Variants in CTNNA2 observed in about 807,000 individuals in gnomAD.
CTNNA2 encodes catenin alpha 2.
In CTNNA2, 42 loss-of-function variants were observed where a neutral mutation model predicts 101.0. The ratio of observed to expected loss-of-function variants is 0.42; its 90% CI spans 0.32 to 0.54. The LOEUF (loss-of-function observed/expected upper bound fraction) is 0.54. CTNNA2 is among the 20% of genes least tolerant of loss of function. CTNNA2 has a pLI of 0.14. For synonymous variants in CTNNA2, 450 were observed against 456.4 expected, an observed-to-expected ratio of 0.99 and a Z score of 0.18; for missense variants, 871 against 1,223.1, an observed-to-expected ratio of 0.71 and a Z score of 4.29.
At position 79,908,377 on chromosome 2, in the gene CTNNA2, G is replaced by A. The variant is rs897854489; in HGVS notation, c.853-1217G>A. Among the ~76,000 whole-genome samples, 4 of 152,168 alleles carry A rather than the reference G, an allele frequency of 2.6e-5. No homozygotes were observed. The East Asian group carries it at 7.7e-4, about 29-fold the overall frequency. ...GTAACAGAGTGGCAATTGCACCATAGTATTCTACAGTTGGAAGACCATTTG... is the reference window on the plus strand; with the variant it reads ...GTAACAGAGTGGCAATTGCACCATAATATTCTACAGTTGGAAGACCATTTG... On this transcript the variant is annotated intron_variant, in intron 6 of 18. Coordinates refer to ENST00000402739, the MANE Select transcript of CTNNA2 (RefSeq NM_001282597.3).
intron 18 of CTNNA2, among the ~76,000 whole-genome samples, chr2:80,625,244 CAG>C (rs1178837365): frequency 6.6e-6 from 1 of 151,992 alleles, no homozygotes; most frequent in Non-Finnish European, 1.5e-5. Flanking sequence ...AATAGCTACT[CAG>C]AGGGATAATT....
intron 2 of CTNNA2, among the ~76,000 whole-genome samples, chr2:79,278,239 G>C (rs960118479): frequency 2.6e-5 from 4 of 151,996 alleles, no homozygotes; most frequent in Non-Finnish European, 1.5e-5. Flanking sequence ...GATCAAAATG[G>C]GTCATAAGTA....
Position 80,422,171 on chromosome 2 carries a change from G to A in CTNNA2, c.1290+2570G>A, listed in dbSNP as rs555091783. Reference sequence around the variant, plus strand: ...TGTGGGGAGGCCTCACAATCGTGGCGGAAGGCAAAGGAAGAGGAAAGACAC... The same window carrying A: ...TGTGGGGAGGCCTCACAATCGTGGCAGAAGGCAAAGGAAGAGGAAAGACAC... On this transcript the variant is annotated intron_variant, in intron 9 of 18. Transcript: ENST00000402739. Among the ~76,000 whole-genome samples the A allele has an allele frequency of 5.8e-4, 88 of 152,226 alleles. 1 individual carries two copies. Among genetic ancestry groups the A allele is most frequent in the Admixed American group, 1.6e-3 (25 of 15,298 alleles).
At position 80,611,042 on chromosome 2, in the gene CTNNA2, C is replaced by A. The variant is rs570275502; in HGVS notation, c.2430+2724C>A. Among the ~76,000 whole-genome samples, 658 of 151,068 alleles carry A rather than the reference C, an allele frequency of 4.4e-3. 2 individuals are homozygous for A. The highest frequency in any genetic ancestry group is 0.011 in the South Asian group (51 of 4,804). Reference sequence around the variant, plus strand: ...TGTCATTGGCTTAAACCTGTCTCAACCAAAAAGTGACATTCTTATTAAATC... The same window carrying A: ...TGTCATTGGCTTAAACCTGTCTCAAACAAAAAGTGACATTCTTATTAAATC... On this transcript the variant is annotated intron_variant, in intron 17 of 18. Coordinates refer to ENST00000402739, the MANE Select transcript of CTNNA2 (RefSeq NM_001282597.3).
At chr2:80,620,090 T>G (rs1670951916) in intron 18 of CTNNA2, among the ~76,000 whole-genome samples, 1 of 151,818 alleles carries the variant, frequency 6.6e-6, no homozygotes, top group African/African-American at 2.4e-5. Context: ...AGGGAGTTCA[T>G]GGAGGTGGTT....
chr2:79,235,267 T>C (rs938079195), intron 2 of CTNNA2, among the ~76,000 whole-genome samples: 2 of 152,202 alleles, frequency 1.3e-5, no homozygotes, highest in Non-Finnish European at 2.9e-5. Flanking sequence ...ACCTTTGCCT[T>C]AGTTTTCCCA....
chr2:79,827,447 A>G (rs1229608771), intron 3 of CTNNA2, among the ~76,000 whole-genome samples: 1 of 152,232 alleles, frequency 6.6e-6, no homozygotes, highest in Non-Finnish European at 1.5e-5. Context: ...GGCGTCATCC[A>G]GAATATTAGC....
chr2:79,977,114 A>T (rs1690905312), intron 7 of CTNNA2, among the ~76,000 whole-genome samples: 1 of 152,184 alleles, frequency 6.6e-6, no homozygotes, highest in Admixed American at 6.5e-5. Flanking sequence ...TTAATAGGAT[A>T]GTCTTACTAA....
chr2:80,117,120 A>G (rs1339780151), intron 7 of CTNNA2, among the ~76,000 whole-genome samples: 1 of 152,164 alleles, frequency 6.6e-6, no homozygotes, highest in East Asian at 1.9e-4. Flanking sequence ...CTCACAAGCT[A>G]TTTAATTCCT....
At chr2:79,798,928 G>A (rs1223949791) in intron 3 of CTNNA2, among the ~76,000 whole-genome samples, 1 of 152,158 alleles carries the variant, frequency 6.6e-6, no homozygotes, top group African/African-American at 2.4e-5. Flanking sequence ...GTTCCAAGGT[G>A]ATGCATGGAA....
intron 18 of CTNNA2, among the ~76,000 whole-genome samples, chr2:80,640,594 T>C (rs2149854060): frequency 6.6e-6 from 1 of 152,336 alleles, no homozygotes; most frequent in East Asian, 1.9e-4. Flanking sequence ...CTGGAAAATG[T>C]ACGCAGGTAT....
chr2:80,565,570 C>G (rs540146614), intron 12 of CTNNA2, among the ~76,000 whole-genome samples: 1 of 141,196 alleles, frequency 7.1e-6, no homozygotes, highest in African/African-American at 2.7e-5. Flanking sequence ...CAAGTTCTTT[C>G]CAAAAGAGAC....
At chr2:80,249,937 C>A (rs1671623054) in intron 7 of CTNNA2, among the ~76,000 whole-genome samples, 1 of 151,840 alleles carries the variant, frequency 6.6e-6, no homozygotes, top group African/African-American at 2.4e-5. Flanking sequence ...TCTTTCTGTT[C>A]TTTTTCTATT....
chr2:79,794,573 A>G (rs1325728055), intron 3 of CTNNA2, among the ~76,000 whole-genome samples: 1 of 152,120 alleles, frequency 6.6e-6, no homozygotes, highest in East Asian at 1.9e-4. Context: ...TTTATTTTGC[A>G]GTAACAAAAC....
rs572231892 is a variant in CTNNA2 at position 79,645,401 on chromosome 2, A to G, written c.-5-6151A>G. Among the ~76,000 whole-genome samples, 4 of 152,318 alleles carry G rather than the reference A, an allele frequency of 2.6e-5. No individual in the cohort carries two copies. In the South Asian group the frequency reaches 6.2e-4, roughly 24 times the overall value. On this transcript the variant is annotated intron_variant, in intron 1 of 18. Coordinates refer to ENST00000402739, the MANE Select transcript of CTNNA2 (RefSeq NM_001282597.3). ...TCATTAAGCCAGTATTATTTTATTC[A>G]TGGAAAAAGCAATTTAATGTACAGG...
chr2:80,239,228 G>GCT (rs1709709379), intron 7 of CTNNA2, among the ~76,000 whole-genome samples: 1 of 152,182 alleles, frequency 6.6e-6, no homozygotes, highest in Admixed American at 6.5e-5. Flanking sequence ...TCTGAAGAGT[G>GCT]CTCTCATGCT....
intron 7 of CTNNA2, among the ~76,000 whole-genome samples, chr2:80,189,220 C>G (rs1294001721): frequency 6.6e-6 from 1 of 152,240 alleles, no homozygotes; most frequent in East Asian, 1.9e-4. Context: ...TTCCAAAGTG[C>G]TGGGATTACA....
chr2:79,259,450 A>AGAATCT (rs1428951116), intron 2 of CTNNA2, among the ~76,000 whole-genome samples: 4 of 152,228 alleles, frequency 2.6e-5, no homozygotes, highest in Non-Finnish European at 5.9e-5. Context: ...GAACAGGAAA[A>AGAATCT]GAATCTGAGA....
intron 1 of CTNNA2, among the ~76,000 whole-genome samples, chr2:79,606,227 G>A (rs552506308): frequency 3.2e-4 from 48 of 152,162 alleles, no homozygotes; most frequent in Non-Finnish European, 5.1e-4. Context: ...AGAGTAAATA[G>A]GTAAGAATTT....
Sources: allele counts gnomAD v4.1 joint callset (sites outside exome capture counted in the v4.1 genomes callset), GRCh38; gene constraint gnomAD v4.1.1; transcripts MANE v1.5; gene names NCBI Gene and HGNC (gene_info 2026-07-23, HGNC 2026-07-21).